UPP2: variants seen among roughly 807,000 people sequenced by gnomAD.
The protein encoded by UPP2 is UPase 2.
A neutral mutation model predicts 26.7 loss-of-function variants in UPP2; 23 were observed. The observed-to-expected ratio is 0.86, with a 90% CI of 0.62 to 1.22. The LOEUF (loss-of-function observed/expected upper bound fraction) is 1.22, where lower values mean the gene tolerates loss of function less well. UPP2 is among the 50% of genes most tolerant of loss of function. UPP2 has a pLI of 0.00. For synonymous variants in UPP2, 127 were observed against 141.3 expected, an observed-to-expected ratio of 0.90 and a Z score of 0.72; for missense variants, 387 against 396.7, an observed-to-expected ratio of 0.98 and a Z score of 0.21.
At chr2:158,104,806 T>C (rs959111102) in intron 1 of UPP2, among the ~76,000 whole-genome samples, 21 of 151,468 alleles carry the variant, frequency 1.4e-4, no homozygotes, top group Non-Finnish European at 2.5e-4. Context: ...CCTGTAATCC[T>C]GGATACTCAG....
At chr2:158,057,476 G>T (rs1229419041) in intron 3 of UPP2, among the ~76,000 whole-genome samples, 1 of 152,000 alleles carries the variant, frequency 6.6e-6, no homozygotes, top group Non-Finnish European at 1.5e-5. Context: ...CTATTTTGTT[G>T]CTCAGATTAT....
At chr2:158,066,928 TTTAAAGGTAGAGATGATTTG>T in intron 3 of UPP2, among the ~76,000 whole-genome samples, 1 of 152,268 alleles carries the variant, frequency 6.6e-6, no homozygotes, top group South Asian at 2.1e-4. Context: ...TAAAATATTT[TTTAAAGGTAGAGATGATTTG>T]TTATTGTAGC....
intron 4 of UPP2, among the ~76,000 whole-genome samples, chr2:158,120,037 A>T (rs1179413692): frequency 2.0e-5 from 3 of 151,532 alleles, no homozygotes; most frequent in Non-Finnish European, 2.9e-5. Flanking sequence ...AATAAAAATA[A>T]ATTAAAAAAA....
At chr2:158,068,791 TATATATATA>T (rs1682484000) in intron 3 of UPP2, among the ~76,000 whole-genome samples, 4 of 16,678 alleles carry the variant, frequency 2.4e-4, no homozygotes, top group African/African-American at 9.5e-4. Flanking sequence ...TATATATATA[TATATATATA>T]TATTTTTTTT....
At chr2:158,003,714 T>A (rs199650579) in intron 2 of UPP2, among the ~76,000 whole-genome samples, 4,005 of 130,222 alleles carry the variant, frequency 0.031, no homozygotes, top group Middle Eastern at 0.04. Context: ...TCTCAAAAAA[T>A]AAAAAAAAAA....
At chr2:158,075,576 C>G (rs1474509181) in intron 3 of UPP2, among the ~76,000 whole-genome samples, 4 of 151,934 alleles carry the variant, frequency 2.6e-5, no homozygotes, top group Non-Finnish European at 5.9e-5. Context: ...AAACAATATG[C>G]TCCTGAATGA....
intron 6 of UPP2, chr2:158,126,480 G>A (rs1410950383): frequency 6.6e-6 from 1 of 152,158 alleles, no homozygotes; most frequent in Admixed American, 6.5e-5. Flanking sequence ...ATCTCCCTCA[G>A]ATTTACTGTT....
At chr2:158,080,026 T>C (rs1400130382) in intron 3 of UPP2, among the ~76,000 whole-genome samples, 2 of 152,144 alleles carry the variant, frequency 1.3e-5, no homozygotes, top group Non-Finnish European at 2.9e-5. Context: ...ATCCCTGGTC[T>C]TAGCCCCTTG....
intron 3 of UPP2, among the ~76,000 whole-genome samples, chr2:158,081,896 AT>A (rs1682733336): frequency 6.6e-6 from 1 of 151,786 alleles, no homozygotes; most frequent in Non-Finnish European, 1.5e-5. Context: ...TATTTTTTAT[AT>A]TTATTTTTAT....
chr2:158,037,199 C>A (rs1038801991), intron 3 of UPP2, among the ~76,000 whole-genome samples: 2 of 147,750 alleles, frequency 1.4e-5, no homozygotes, highest in African/African-American at 4.9e-5. Flanking sequence ...ATAGTGAAAC[C>A]CCATCTCTAC....
At chr2:158,016,857 A>T (rs17491995) in intron 3 of UPP2, among the ~76,000 whole-genome samples, 11,243 of 152,068 alleles carry the variant, frequency 0.074, 468 homozygotes, top group Non-Finnish European at 0.098. Context: ...CAAATCCTCA[A>T]TTTTTCCCTC....
intron 3 of UPP2, among the ~76,000 whole-genome samples, chr2:158,035,359 G>A (rs1683985596): frequency 6.6e-6 from 1 of 152,104 alleles, no homozygotes; most frequent in Non-Finnish European, 1.5e-5. Flanking sequence ...GTTTCACCAT[G>A]TTGGTCAGGC....
At chr2:158,029,898 T>G (rs1683898550) in intron 3 of UPP2, among the ~76,000 whole-genome samples, 2 of 151,900 alleles carry the variant, frequency 1.3e-5, no homozygotes. Context: ...CTTACAAAAA[T>G]GCGTTTTAGA....
At chr2:158,132,654 GA>G (rs1683844016) in intron 6 of UPP2, among the ~76,000 whole-genome samples, 1 of 152,106 alleles carries the variant, frequency 6.6e-6, no homozygotes, top group Non-Finnish European at 1.5e-5. Context: ...GTAATACACA[GA>G]ACATACAAGG....
In UPP2 at chr2:158,106,937, T is replaced by A. The variant is rs115866690; in HGVS notation, c.180+721T>A. 2.6e-3 allele frequency among the ~76,000 whole-genome samples: 392 copies of A among 152,362 alleles called. 3 individuals carry two copies. The highest frequency in any genetic ancestry group is 9.2e-3 in the African/African-American group (382 of 41,596). The stretch of plus-strand genomic sequence containing the variant: ...AAATAGTTGTAATTATATAACTGCA[T>A]TCTGCACTTCATCATTTAGGTTTAC... On this transcript the variant is annotated intron_variant, in intron 2 of 6. Transcript: ENST00000005756.
At chr2:158,058,381 TCTCTCTCTC>T (rs373205167) in intron 3 of UPP2, among the ~76,000 whole-genome samples, 14 of 138,124 alleles carry the variant, frequency 1.0e-4, no homozygotes, top group East Asian at 5.3e-4. Flanking sequence ...ATGCTCTCTC[TCTCTCTCTC>T]TCTCTCTCTC....
chr2:158,062,011 C>T (rs539938286), intron 3 of UPP2, among the ~76,000 whole-genome samples: 26 of 152,332 alleles, frequency 1.7e-4, no homozygotes, highest in African/African-American at 3.6e-4. Flanking sequence ...TATTGGAACA[C>T]GGCCATACTT....
chr2:158,041,500 T>C (rs1477268419), intron 3 of UPP2, among the ~76,000 whole-genome samples: 1 of 152,216 alleles, frequency 6.6e-6, no homozygotes, highest in Non-Finnish European at 1.5e-5. Context: ...CAGATCACTC[T>C]CTTTTGAAGC....
At position 158,010,277 on chromosome 2, in the gene UPP2, A is replaced by T. The variant is rs566141197; in HGVS notation, c.62-5524A>T. On this transcript the variant is annotated intron_variant, in intron 2 of 9. Coordinates refer to the UPP2 transcript ENST00000605860. The stretch of plus-strand genomic sequence containing the variant: ...TCACTTTCCCAAAAAGGAACACTAG[A>T]TTGTTAAAAAGAGTAATCCCTGAAT... 5.3e-5 allele frequency among the ~76,000 whole-genome samples: 8 copies of T among 152,340 alleles called. No homozygotes were observed. The South Asian group carries it at 1.5e-3, about 28-fold the overall frequency.
Sources: allele counts gnomAD v4.1 joint callset (sites outside exome capture counted in the v4.1 genomes callset), GRCh38; gene constraint gnomAD v4.1.1; transcripts MANE v1.5; gene names NCBI Gene and HGNC (gene_info 2026-07-23, HGNC 2026-07-21).